Variants in NAV2 observed in about 807,000 individuals in gnomAD.
NAV2 encodes the protein helicase, APC down-regulated 1.
In NAV2, 54 loss-of-function variants were observed where a neutral mutation model predicts 223.2. The observed-to-expected ratio is 0.24, with a 90% CI of 0.19 to 0.30. The LOEUF is 0.30. Ranked by LOEUF, NAV2 falls within the 10% of genes least tolerant of loss-of-function variation. NAV2 has a pLI of 1.00. For missense variants in NAV2, 2,806 were observed against 3,147.5 expected, an observed-to-expected ratio of 0.89 and a Z score of 2.60; for synonymous variants, 1,279 against 1,239.3, an observed-to-expected ratio of 1.03 and a Z score of -0.67.
chr11:20,027,296 C>T (rs148085317), intron 11 of NAV2: 16 of 980,034 alleles, frequency 1.6e-5, no homozygotes, highest in African/African-American at 7.2e-5. Context: ...GATCTCGTTC[C>T]GCTCGGGCCC....
chr11:19,801,917 A>G (rs2058290891), intron 1 of NAV2, among the ~76,000 whole-genome samples: 1 of 152,218 alleles, frequency 6.6e-6, no homozygotes, highest in Admixed American at 6.5e-5. Context: ...GCTTAATAAG[A>G]GCTAAAATCA....
chr11:19,659,953 C>CTATTATTAT (rs144868564), intron 1 of NAV2, among the ~76,000 whole-genome samples: 19 of 151,014 alleles, frequency 1.3e-4, no homozygotes, highest in African/African-American at 4.4e-4. Context: ...CACAAAAGAA[C>CTATTATTAT]TATTATTATT....
intron 1 of NAV2, among the ~76,000 whole-genome samples, chr11:19,529,206 G>A (rs945065568): frequency 6.6e-6 from 1 of 152,198 alleles, no homozygotes; most frequent in African/African-American, 2.4e-5. Flanking sequence ...ACTGTAGTCT[G>A]TTCCTTGGAT....
At chr11:19,967,712 TCTGTATCC>T (rs2048890437) in intron 10 of NAV2, among the ~76,000 whole-genome samples, 1 of 152,154 alleles carries the variant, frequency 6.6e-6, no homozygotes, top group African/African-American at 2.4e-5. Context: ...TCTGGAAAAC[TCTGTATCC>T]CAGATATTAC....
At chr11:19,428,385 C>T (rs1007595616) in intron 1 of NAV2, among the ~76,000 whole-genome samples, 3 of 152,128 alleles carry the variant, frequency 2.0e-5, no homozygotes, top group African/African-American at 7.2e-5. Flanking sequence ...CAAAGTGGGG[C>T]TGAACCAATT....
chr11:19,977,682 G>A (rs978003918), intron 10 of NAV2, among the ~76,000 whole-genome samples: 3 of 151,718 alleles, frequency 2.0e-5, no homozygotes, highest in African/African-American at 4.8e-5. Flanking sequence ...TTTATAATTC[G>A]CACTGAGAAA....
At chr11:19,752,477 A>G (rs2087096674) in intron 1 of NAV2, among the ~76,000 whole-genome samples, 1 of 152,184 alleles carries the variant, frequency 6.6e-6, no homozygotes, top group African/African-American at 2.4e-5. Flanking sequence ...GATGATTAAT[A>G]ATCACCTGCA....
chr11:19,628,429 G>A (rs2047237445), intron 1 of NAV2, among the ~76,000 whole-genome samples: 1 of 152,178 alleles, frequency 6.6e-6, no homozygotes. Context: ...GGCAATCAGG[G>A]CACACTCGTA....
At chr11:19,916,491 A>G (rs548603674) in intron 6 of NAV2, among the ~76,000 whole-genome samples, 1 of 152,378 alleles carries the variant, frequency 6.6e-6, no homozygotes, top group African/African-American at 2.4e-5. Flanking sequence ...TTTCAGTTTA[A>G]AGGATTTCCA....
intron 29 of NAV2, among the ~76,000 whole-genome samples, chr11:20,094,223 CTTTTTTTTTTTT>C (rs61099684): frequency 1.1e-5 from 1 of 88,520 alleles, no homozygotes; most frequent in East Asian, 3.1e-4. Flanking sequence ...TTTTCTTTAT[CTTTTTTTTTTTT>C]TTTTTTTTTT....
At chr11:19,476,027 T>C (rs900456995) in intron 1 of NAV2, among the ~76,000 whole-genome samples, 5 of 152,084 alleles carry the variant, frequency 3.3e-5, no homozygotes, top group African/African-American at 1.2e-4. Flanking sequence ...TAGGCTGGAG[T>C]GCAGCGGCGG....
At chr11:19,574,974 G>C (rs1430569611) in intron 1 of NAV2, among the ~76,000 whole-genome samples, 1 of 152,156 alleles carries the variant, frequency 6.6e-6, no homozygotes, top group Admixed American at 6.5e-5. Context: ...GCCCTGAGGA[G>C]GGATGGAGTT....
intron 3 of NAV2, among the ~76,000 whole-genome samples, chr11:19,865,210 T>G (rs78662268): frequency 0.035 from 5,310 of 152,316 alleles, 145 homozygotes; most frequent in Middle Eastern, 0.061. Flanking sequence ...GCTGTGTGTC[T>G]GGATCACACA....
At chr11:19,501,989 G>T (rs1289443163) in intron 1 of NAV2, among the ~76,000 whole-genome samples, 1 of 152,114 alleles carries the variant, frequency 6.6e-6, no homozygotes, top group African/African-American at 2.4e-5. Context: ...AACAGTCGAT[G>T]GGTCTCAAGT....
intron 6 of NAV2, among the ~76,000 whole-genome samples, chr11:19,898,194 C>T (rs909128176): frequency 5.3e-5 from 8 of 151,962 alleles, no homozygotes; most frequent in South Asian, 2.1e-4. Flanking sequence ...CTGAATAATA[C>T]GGTTTTCTTC....
intron 1 of NAV2, among the ~76,000 whole-genome samples, chr11:19,375,735 C>G (rs183507241): frequency 2.0e-5 from 3 of 152,298 alleles, no homozygotes; most frequent in Admixed American, 1.3e-4. Flanking sequence ...TAATAAAACA[C>G]TGAACTGCCC....
chr11:20,039,330 GC>G (rs1418587302), intron 12 of NAV2, among the ~76,000 whole-genome samples: 2 of 152,184 alleles, frequency 1.3e-5, no homozygotes, highest in Non-Finnish European at 2.9e-5. Context: ...ACAGGGAAAT[GC>G]TTTATCAGCA....
chr11:19,679,966 A>G (rs1374459246), intron 1 of NAV2, among the ~76,000 whole-genome samples: 2 of 152,242 alleles, frequency 1.3e-5, no homozygotes, highest in East Asian at 1.9e-4. Context: ...AAGAGAGGCC[A>G]GGAGGGTTGG....
chr11:19,470,214 G>A (rs563656358), intron 1 of NAV2, among the ~76,000 whole-genome samples: 1 of 152,310 alleles, frequency 6.6e-6, no homozygotes, highest in East Asian at 1.9e-4. Flanking sequence ...CATGACTCCA[G>A]TAACATTCCT....
Sources: gnomAD v4.1 joint callset for allele counts (sites outside exome capture counted in the v4.1 genomes callset) on GRCh38, gnomAD v4.1.1 for gene constraint, MANE v1.5 for transcripts, NCBI Gene and HGNC (gene_info 2026-07-23, HGNC 2026-07-21) for gene names.